The following VPS13D variants were observed in gnomAD, a reference collection of about 807,000 sequenced individuals.
The protein encoded by VPS13D is vacuolar protein sorting 13 homolog D, also known as intermembrane lipid transfer protein VPS13D.
In VPS13D, 187 loss-of-function variants were observed where a neutral mutation model predicts 461.9. That is an observed-to-expected ratio of 0.40 (90% CI 0.36 to 0.46). VPS13D has a LOEUF of 0.46. VPS13D is among the 20% of genes least tolerant of loss of function. The pLI, the probability that VPS13D is intolerant of heterozygous loss-of-function variation, is 0.60. For synonymous variants in VPS13D, 1,951 were observed against 1,986.3 expected (o/e 0.98, Z 0.47); for missense variants, 4,711 against 5,364.9 (o/e 0.88, Z 3.81).
intron 24 of VPS13D, 115 bp downstream of exon 24, chr1:12,293,819 C>T (rs1642199593): frequency 1.8e-6 from 2 of 1,085,164 alleles, no homozygotes; most frequent in Admixed American, 2.8e-5. Flanking sequence ...CTAATATGTT[C>T]TCCGTGTAGA....
chr1:12,427,154 G>A (rs930394254), intron 65 of VPS13D, among the ~76,000 whole-genome samples: 3 of 151,216 alleles, frequency 2.0e-5, no homozygotes, highest in Non-Finnish European at 2.9e-5. Context: ...TATTTGTCTC[G>A]ATTTTTAGTT....
chr1:12,257,862 G>C, intron 9 of VPS13D, 73 bp from the exon 10 acceptor site: 1 of 1,557,896 alleles, frequency 6.4e-7, no homozygotes, highest in Non-Finnish European at 8.8e-7. Context: ...GGGTTATGTG[G>C]ATTGTCCTGG....
rs1164014901 is a variant in VPS13D at position 12,350,545 on chromosome 1, T to C, written c.9431+1171T>C. Among the ~76,000 whole-genome samples, 8 of 152,158 alleles carry C rather than the reference T, an allele frequency of 5.3e-5. No homozygotes were observed. The East Asian group carries it at 1.2e-3, about 22-fold the overall frequency. On this transcript the variant is annotated intron_variant, in intron 46 of 69. Transcript: ENST00000620676. ...AAACCAGTTCCGAGGGTAGAAGTTA[T>C]AGTTTGTAAATCCTCATATTAGAAA...
At chr1:12,379,342 C>T in intron 56 of VPS13D, 146 bp from the exon 57 acceptor site, 1 of 616,388 alleles carries the variant, frequency 1.6e-6, no homozygotes, top group Non-Finnish European at 2.7e-6. Context: ...CCTAACTGCC[C>T]TAGGATTCAA....
chr1:12,322,099 T>C, intron 33 of VPS13D, 135 bp downstream of exon 33: 1 of 1,137,282 alleles, frequency 8.8e-7, no homozygotes, highest in East Asian at 2.7e-5. Context: ...GGAGTCTTGC[T>C]CTGTCGCCCA....
chr1:12,257,610 C>T (rs1640961301), intron 9 of VPS13D, among the ~76,000 whole-genome samples: 1 of 152,324 alleles, frequency 6.6e-6, no homozygotes, highest in African/African-American at 2.4e-5. Context: ...GTAGTCAAAT[C>T]CTCGGTAATT....
chr1:12,350,316 A>G (rs1643766780), intron 46 of VPS13D, among the ~76,000 whole-genome samples: 3 of 152,198 alleles, frequency 2.0e-5, no homozygotes, highest in African/African-American at 7.2e-5. Flanking sequence ...AACTAAAACC[A>G]TACAGAATGT....
Position 12,473,053 on chromosome 1 carries a change from T to C in VPS13D, c.12662+12657T>C, listed in dbSNP as rs1444397897. 1.3e-5 allele frequency among the ~76,000 whole-genome samples: 2 copies of C among 152,096 alleles called. No individual in the cohort carries two copies. Among genetic ancestry groups the C allele is most frequent in the Non-Finnish European group, 2.9e-5 (2 of 68,040 alleles). ...TCAGATCCCAGGAACATGAAAGAAA[T>C]AGCACACCCTACGGTAGTGACATGG... On this transcript the variant is annotated intron_variant, in intron 67 of 69. Coordinates refer to ENST00000620676, the MANE Select transcript of VPS13D (RefSeq NM_015378.4). The surrounding 1 kb of genome is among the most constrained non-coding windows in gnomAD (Gnocchi z 4.2).
At position 12,502,727 on chromosome 1, in the gene VPS13D, A is replaced by G. The variant is rs1314332879; in HGVS notation, c.12795-4126A>G. On this transcript the variant is annotated intron_variant, in intron 68 of 69. Coordinates refer to ENST00000620676, the MANE Select transcript of VPS13D (RefSeq NM_015378.4). This position sits in a 1 kb window ranked among gnomAD's most constrained non-coding sequence, Gnocchi z 4.3. ...GATTTCTCCCTGAGAGAAGCTGGTC[A>G]TGAGTCTGTTTTCCATGTGGCCTTC... Among the ~76,000 whole-genome samples the G allele has an allele frequency of 3.3e-5, 5 of 151,746 alleles. No homozygotes were observed. The highest frequency in any genetic ancestry group is 1.2e-4 in the African/African-American group (5 of 41,298).
At position 12,244,410 on chromosome 1, in the gene VPS13D, C is replaced by G; in HGVS notation, c.340C>G (p.Leu114Val). The G allele has an allele frequency of 6.2e-7, 1 of 1,614,176 alleles. No homozygotes were observed. The highest frequency in any genetic ancestry group is 8.5e-7 in the Non-Finnish European group (1 of 1,180,032). ...GGAAAGGGAACGTAAGAAAGCACTA[C>G]TTCAAGCCCTGGAGGAGAAATGGAA... ...LLERERKKAL[L>V]QALEEKWKND... The change falls in exon 4 of 70, where the codon CTT becomes GTT. Residue 114 changes from leucine (L) to valine (V), a missense_variant. By Grantham distance (32) the Leu-to-Val change is conservative. Transcript: ENST00000620676.
intron 65 of VPS13D, among the ~76,000 whole-genome samples, chr1:12,430,751 C>T (rs886662041): frequency 6.6e-6 from 1 of 152,172 alleles, no homozygotes; most frequent in Non-Finnish European, 1.5e-5. Flanking sequence ...CCTTGCTTTC[C>T]TAGCACCCAC....
chr1:12,314,231 C>T lies in VPS13D; in HGVS notation c.7052C>T (p.Thr2351Ile), dbSNP rs376988084. ...GACACCCGTTATGCTGGGCAGAAGA[C>T]CAGCCCTGGCATGACGAATGTGTTC... ...AFDTRYAGQKTSPGMTNVFSC... is the reference protein window; with the variant it reads ...AFDTRYAGQKISPGMTNVFSC... Residue 2351 changes from threonine to isoleucine, a missense_variant, in exon 30 of 70, where the codon ACC becomes ATC. Physicochemically the swap from Thr to Ile is moderately conservative, Grantham distance 89. Around this residue, in one of 3 missense-constraint regions of VPS13D, gnomAD observed 4,411 missense variants for 4,937.8 expected, o/e 0.89. Coordinates refer to ENST00000620676, the MANE Select transcript of VPS13D (RefSeq NM_015378.4). The T allele has an allele frequency of 6.2e-7, 1 of 1,614,168 alleles. No individual in the cohort carries two copies. The highest frequency in any genetic ancestry group is 8.5e-7 in the Non-Finnish European group (1 of 1,180,024).
chr1:12,433,424 C>T (rs528558127), intron 65 of VPS13D, among the ~76,000 whole-genome samples: 1 of 152,276 alleles, frequency 6.6e-6, no homozygotes, highest in South Asian at 2.1e-4. Context: ...CACAGGGAGC[C>T]CCGCCACAGC....
chr1:12,448,107 TCCCTGTTTTGTA>T (rs1244841524), intron 65 of VPS13D, among the ~76,000 whole-genome samples: 1 of 152,200 alleles, frequency 6.6e-6, no homozygotes, highest in East Asian at 1.9e-4. Flanking sequence ...GGTGGTGTTC[TCCCTGTTTTGTA>T]GATGAAGACA....
chr1:12,243,224 G>A (rs1270502452), intron 3 of VPS13D, among the ~76,000 whole-genome samples: 3 of 151,834 alleles, frequency 2.0e-5, no homozygotes, highest in Non-Finnish European at 2.9e-5. Context: ...CAAAGTGCTG[G>A]GATTACGGGC....
chr1:12,447,088 C>T (rs1325089842), intron 65 of VPS13D, among the ~76,000 whole-genome samples: 1 of 152,168 alleles, frequency 6.6e-6, no homozygotes, highest in Non-Finnish European at 1.5e-5. Context: ...ACTCCTCTTC[C>T]TTGTCCAGAT....
rs1260677311 is a variant in VPS13D at position 12,473,740 on chromosome 1, C to T, written c.12662+13344C>T. 6.6e-6 allele frequency among the ~76,000 whole-genome samples: 1 copy of T among 152,152 alleles called. No homozygotes were observed. The highest frequency in any genetic ancestry group is 1.5e-5 in the Non-Finnish European group (1 of 68,032). On this transcript the variant is annotated intron_variant, in intron 67 of 69. Transcript: ENST00000620676. This position sits in a 1 kb window ranked among gnomAD's most constrained non-coding sequence, Gnocchi z 4.2. ...AGCTCTTACTTAAATTCAACCCTGT[C>T]CCCGAATTCTTGCTGACCACCTGCT... is the stretch of plus-strand genomic sequence containing the variant.
At position 12,416,807 on chromosome 1, in the gene VPS13D, G is replaced by A. The variant is rs1189332779; in HGVS notation, c.12313G>A (p.Val4105Ile). 6.2e-7 allele frequency: 1 copy of A among 1,612,546 alleles called. No individual in the cohort carries two copies. The highest frequency in any genetic ancestry group is 1.7e-5 in the Admixed American group (1 of 59,662). The part of the protein sequence containing the change: ...GGLIRNVTHG[V>I]SNSAAKFAGT... Reference sequence around the variant, plus strand: ...CCTCATCAGAAATGTTACACACGGAGTATCAAACTCTGCTGCCAAGGTAAG... The same window carrying A: ...CCTCATCAGAAATGTTACACACGGAATATCAAACTCTGCTGCCAAGGTAAG... Residue 4105 changes from valine (V) to isoleucine (I), a missense_variant, in exon 65 of 70, where the codon GTA (valine) becomes ATA (isoleucine). This residue lies in a region of VPS13D where 106 missense variants were observed against 206.2 expected (regional missense o/e 0.51). Transcript: ENST00000620676.
chr1:12,290,489 A>G (rs763406803), intron 22 of VPS13D, among the ~76,000 whole-genome samples: 73 of 152,194 alleles, frequency 4.8e-4, no homozygotes, highest in Middle Eastern at 3.4e-3. Context: ...TTGGGAGGCC[A>G]AGGCGGGCGG....
Sources: gnomAD v4.1 joint callset for allele counts (sites outside exome capture counted in the v4.1 genomes callset) on GRCh38, gnomAD v4.1.1 for gene constraint, gnomAD v4.1.1 regional missense constraint, Gnocchi (gnomAD v3.1) non-coding constraint, MANE v1.5 for transcripts, NCBI Gene and HGNC (gene_info 2026-07-23, HGNC 2026-07-21) for gene names.